LGMN: variants seen among roughly 807,000 people sequenced by gnomAD.
LGMN encodes the protein asparaginyl endopeptidase.
Under a neutral mutation model 56.8 loss-of-function variants are expected in LGMN, and 36 were observed. That is an observed-to-expected ratio of 0.63 (90% CI 0.49 to 0.84). LGMN has a LOEUF of 0.84. Among genes scored for constraint, LGMN ranks in the 40% least tolerant of loss-of-function variants. The pLI is 0.00. For synonymous variants in LGMN, 199 were observed against 210.1 expected (o/e 0.95, Z 0.46); for missense variants, 446 against 556.1 (o/e 0.80, Z 1.99).
chr14:92,716,167 T>C lies in LGMN; in HGVS notation c.373A>G (p.Lys125Glu), dbSNP rs754321791. ...AVLRGDAEAV[K>E]GIGSGKVLKS... ...AGGACTTTGCCGGATCCTATGCCCT[T>C]CACTGCTTCTGCATCGCCTCTCAAC... Residue 125 changes from lysine (K) to glutamate (E), a missense_variant, in exon 5 of 14, where the codon AAG becomes GAG. Physicochemically the swap from Lys to Glu is moderately conservative, Grantham distance 56. Transcript: ENST00000334869. The C allele has an allele frequency of 2.0e-5, 33 of 1,613,270 alleles. No individual in the cohort carries two copies. The highest frequency in any genetic ancestry group is 2.7e-5 in the Non-Finnish European group (32 of 1,179,472).
At chr14:92,708,048 G>A (rs1889535995) in intron 11 of LGMN, among the ~76,000 whole-genome samples, 1 of 151,868 alleles carries the variant, frequency 6.6e-6, no homozygotes, top group African/African-American at 2.4e-5. Context: ...CTACTCGGGA[G>A]GCTGAGGCAG....
Position 92,714,488 on chromosome 14 carries a change from T to A in LGMN, c.405-37A>T. On this transcript the variant is annotated intron_variant, in intron 5 of 13. Transcript: ENST00000334869. This position sits in a 1 kb window ranked among gnomAD's most constrained non-coding sequence, Gnocchi z 5.1. ...GAATCGGGGGTCAATCATTTCCTTT[T>A]TCTGTTTTTACTTCTATTTCTCTGA... 1 of 1,446,142 alleles carries A rather than the reference T, an allele frequency of 6.9e-7. No individual in the cohort carries two copies. Among genetic ancestry groups the A allele is most frequent in the Non-Finnish European group, 9.6e-7 (1 of 1,037,906 alleles). The allele number at this position is 1,446,142 out of a possible 1,614,324, so 89.6% of individuals were successfully genotyped here. A position where few individuals can be genotyped will look rare whatever the true frequency, so the allele number is the denominator to read the frequency against.
At chr14:92,725,506 C>T (rs772973500) in intron 2 of LGMN, among the ~76,000 whole-genome samples, 6 of 152,142 alleles carry the variant, frequency 3.9e-5, no homozygotes, top group Non-Finnish European at 7.4e-5. Context: ...ATCACACCAC[C>T]GAGCTCCAGC....
chr14:92,729,499 T>C, intron 2 of LGMN, among the ~76,000 whole-genome samples: 1 of 56,518 alleles, frequency 1.8e-5, no homozygotes, highest in African/African-American at 7.6e-5. Context: ...AAACACTTAA[T>C]CCCAGCCCAA....
In LGMN at chr14:92,737,102, A is replaced by G. The variant is rs1020313351; in HGVS notation, c.-29-4287T>C. Among the ~76,000 whole-genome samples, 9 of 152,314 alleles carry G rather than the reference A, an allele frequency of 5.9e-5. 1 individual carries two copies. The highest frequency in any genetic ancestry group is 2.2e-4 in the African/African-American group (9 of 41,568). On this transcript the variant is annotated intron_variant, in intron 1 of 13. Coordinates refer to ENST00000334869, the MANE Select transcript of LGMN (RefSeq NM_005606.7). ...TTTCTCTGCAAAGGACCAGAAAGTA[A>G]ATATTTTTGGCTTTGCAGGCCAGGC...
rs532368120 is a variant in LGMN at position 92,718,466 on chromosome 14, T to C, written c.236+281A>G. The stretch of plus-strand genomic sequence containing the variant: ...GTGCACACCTGCAGTCCCAGCTTCT[T>C]GGGAGGCTGAGGTGGGAGGATCACT... On this transcript the variant is annotated intron_variant, in intron 3 of 13. Transcript: ENST00000334869. Among the ~76,000 whole-genome samples the C allele has an allele frequency of 1.8e-4, 28 of 152,128 alleles. No homozygotes were observed. In the East Asian group the frequency reaches 5.2e-3, roughly 28 times the overall value.
chr14:92,740,079 T>A (rs933887788), intron 1 of LGMN, among the ~76,000 whole-genome samples: 3 of 152,048 alleles, frequency 2.0e-5, no homozygotes, highest in African/African-American at 7.2e-5. Context: ...GAAACCCCCG[T>A]CTCTACTAAA....
intron 2 of LGMN, among the ~76,000 whole-genome samples, chr14:92,725,500 C>T (rs528622623): frequency 4.9e-4 from 74 of 152,276 alleles, no homozygotes; most frequent in African/African-American, 1.7e-3. Context: ...GCTATGATCA[C>T]ACCACCGAGC....
intron 12 of LGMN, 85 bp from the exon 13 acceptor site, chr14:92,704,792 T>C (rs1372789947): frequency 1.9e-6 from 2 of 1,035,674 alleles, no homozygotes; most frequent in African/African-American, 1.6e-5. Context: ...AGGGGAAGCA[T>C]CTTGACCAGT....
At chr14:92,719,243 C>A (rs1160115762) in intron 2 of LGMN, among the ~76,000 whole-genome samples, 5 of 40,190 alleles carry the variant, frequency 1.2e-4, no homozygotes, top group Admixed American at 7.4e-4. Flanking sequence ...ACCGCCACCA[C>A]CGCCACCACC....
intron 1 of LGMN, among the ~76,000 whole-genome samples, chr14:92,740,380 C>T (rs1205989541): frequency 6.6e-6 from 1 of 152,220 alleles, no homozygotes; most frequent in Non-Finnish European, 1.5e-5. Context: ...ACCATCCTCA[C>T]AACAGTTCTC....
At chr14:92,726,341 T>A (rs945174792) in intron 2 of LGMN, among the ~76,000 whole-genome samples, 6 of 152,020 alleles carry the variant, frequency 3.9e-5, no homozygotes. Flanking sequence ...CCCTCTCGCC[T>A]CCGTCACTGC....
chr14:92,709,021 G>A (rs988708982), intron 11 of LGMN, among the ~76,000 whole-genome samples: 2 of 152,200 alleles, frequency 1.3e-5, no homozygotes, highest in African/African-American at 4.8e-5. Context: ...GCACACAGCT[G>A]TAATTTACAT....
At chr14:92,738,318 G>A (rs1595563577) in intron 1 of LGMN, among the ~76,000 whole-genome samples, 2 of 147,966 alleles carry the variant, frequency 1.4e-5, no homozygotes, top group Non-Finnish European at 3.0e-5. Flanking sequence ...TTGCTCGGTT[G>A]CCCAGGCTGG....
At chr14:92,719,449 C>A (rs938943666) in intron 2 of LGMN, among the ~76,000 whole-genome samples, 2 of 151,888 alleles carry the variant, frequency 1.3e-5, no homozygotes, top group African/African-American at 4.8e-5. Flanking sequence ...TAAGAAGGAC[C>A]TCTGAAAGTC....
chr14:92,706,271 T>C (rs1889424319), intron 12 of LGMN: 1 of 421,274 alleles, frequency 2.4e-6, no homozygotes, highest in Non-Finnish European at 4.2e-6. Context: ...ATGGCTCTGG[T>C]AAACTCTCCT....
At chr14:92,715,910 A>G in intron 5 of LGMN, 1 of 339,098 alleles carries the variant, frequency 2.9e-6, no homozygotes, top group Non-Finnish European at 5.5e-6. Flanking sequence ...TTTATTAATA[A>G]TGAGGGGCCC....
intron 10 of LGMN, among the ~76,000 whole-genome samples, chr14:92,710,693 G>A (rs2140210943): frequency 6.6e-6 from 1 of 152,332 alleles, no homozygotes; most frequent in East Asian, 1.9e-4. Context: ...GATCAGAAAT[G>A]GCCAATGATG....
intron 8 of LGMN, among the ~76,000 whole-genome samples, chr14:92,712,456 T>G (rs1889831712): frequency 6.6e-6 from 1 of 152,204 alleles, no homozygotes; most frequent in Non-Finnish European, 1.5e-5. Context: ...ATTTTACAGA[T>G]GGGGATAACT....
Sources: gnomAD v4.1 joint callset for allele counts (sites outside exome capture counted in the v4.1 genomes callset) on GRCh38, gnomAD v4.1.1 for gene constraint, Gnocchi (gnomAD v3.1) non-coding constraint, MANE v1.5 for transcripts, NCBI Gene and HGNC (gene_info 2026-07-23, HGNC 2026-07-21) for gene names.